The following EPB41L5 variants were observed in gnomAD, a reference collection of about 807,000 sequenced individuals.
EPB41L5 encodes band 4.1-like protein 5.
A neutral mutation model predicts 106.6 loss-of-function variants in EPB41L5; 55 were observed. The observed-to-expected ratio is 0.52, with a 90% CI of 0.42 to 0.65. The LOEUF is 0.65. Among genes scored for constraint, EPB41L5 ranks in the 30% least tolerant of loss-of-function variants. The probability of loss-of-function intolerance (pLI) is 0.00; values close to 1 mark genes in which losing one functional copy is unlikely to be tolerated. For synonymous variants in EPB41L5, 297 were observed against 306.7 expected, an observed-to-expected ratio of 0.97 and a Z score of 0.33; for missense variants, 871 against 882.1, an observed-to-expected ratio of 0.99 and a Z score of 0.16.
At chr2:120,047,234 C>G (rs2105229962) in intron 3 of EPB41L5, among the ~76,000 whole-genome samples, 1 of 152,322 alleles carries the variant, frequency 6.6e-6, no homozygotes, top group African/African-American at 2.4e-5. Flanking sequence ...GGCATTGAAT[C>G]TATAAATTGC....
At chr2:120,065,691 A>T (rs1017503773) in intron 3 of EPB41L5, among the ~76,000 whole-genome samples, 1 of 151,522 alleles carries the variant, frequency 6.6e-6, no homozygotes, top group Non-Finnish European at 1.5e-5. Flanking sequence ...TAATTTTTGT[A>T]TTTTTAGTAG....
chr2:120,095,130 G>A (rs1574653999), intron 14 of EPB41L5, among the ~76,000 whole-genome samples: 1 of 152,128 alleles, frequency 6.6e-6, no homozygotes, highest in South Asian at 2.1e-4. Context: ...GTGGAGTATT[G>A]TAGTCTACAA....
intron 20 of EPB41L5, among the ~76,000 whole-genome samples, chr2:120,147,982 A>G (rs913042836): frequency 1.3e-5 from 2 of 152,046 alleles, no homozygotes; most frequent in East Asian, 1.9e-4. Flanking sequence ...TCCCCATGCT[A>G]TACAACACTG....
chr2:120,136,716 A>G (rs1685937666), intron 18 of EPB41L5, among the ~76,000 whole-genome samples: 1 of 152,088 alleles, frequency 6.6e-6, no homozygotes, highest in Admixed American at 6.5e-5. Flanking sequence ...TAAATAATAT[A>G]TGCACCTAAA....
intron 2 of EPB41L5, among the ~76,000 whole-genome samples, chr2:120,032,564 C>T (rs1394222171): frequency 1.3e-5 from 2 of 152,176 alleles, no homozygotes; most frequent in African/African-American, 4.8e-5. Flanking sequence ...AGGCAGATCA[C>T]AGTCCATTGG....
intron 3 of EPB41L5, among the ~76,000 whole-genome samples, chr2:120,066,410 T>G (rs1311900383): frequency 6.6e-6 from 1 of 152,244 alleles, no homozygotes; most frequent in Admixed American, 6.5e-5. Flanking sequence ...AACCTGCCTT[T>G]TAAAATTTAA....
intron 3 of EPB41L5, among the ~76,000 whole-genome samples, chr2:120,050,132 A>G (rs1317109415): frequency 6.6e-6 from 1 of 152,072 alleles, no homozygotes; most frequent in Non-Finnish European, 1.5e-5. Context: ...GAATCTGACA[A>G]TTATATGTCT....
chr2:120,096,278 A>T (rs1683747843), intron 14 of EPB41L5, among the ~76,000 whole-genome samples: 1 of 152,106 alleles, frequency 6.6e-6, no homozygotes, highest in Non-Finnish European at 1.5e-5. Context: ...ATTGACTATA[A>T]TAGCACTCCG....
intron 16 of EPB41L5, among the ~76,000 whole-genome samples, chr2:120,120,104 C>T (rs1685142491): frequency 1.3e-5 from 2 of 152,004 alleles, no homozygotes; most frequent in South Asian, 2.1e-4. Flanking sequence ...AAAAGAAAAA[C>T]TTCAATTGTC....
At chr2:120,164,005 T>G (rs1687275162) in intron 21 of EPB41L5, among the ~76,000 whole-genome samples, 1 of 140,068 alleles carries the variant, frequency 7.1e-6, no homozygotes, top group Non-Finnish European at 1.6e-5. Flanking sequence ...TTTTTTGAGA[T>G]GGAGTCTTGC....
At chr2:120,026,514 G>A (rs992787931) in intron 2 of EPB41L5, among the ~76,000 whole-genome samples, 16 of 152,078 alleles carry the variant, frequency 1.1e-4, no homozygotes, top group African/African-American at 2.7e-4. Flanking sequence ...GATTACAGGC[G>A]CCTGCCACAC....
chr2:120,090,757 A>G (rs1371807623), intron 12 of EPB41L5, among the ~76,000 whole-genome samples: 1 of 152,192 alleles, frequency 6.6e-6, no homozygotes, highest in Admixed American at 6.6e-5. Context: ...TGTTTACTTT[A>G]TATATTAACC....
chr2:120,141,637 G>A (rs761368877), intron 18 of EPB41L5, among the ~76,000 whole-genome samples: 1 of 152,108 alleles, frequency 6.6e-6, no homozygotes, highest in Admixed American at 6.6e-5. Flanking sequence ...CTCTAAAAAT[G>A]ATATAGAAAA....
intron 17 of EPB41L5, among the ~76,000 whole-genome samples, chr2:120,130,424 T>C (rs961442283): frequency 2.0e-5 from 3 of 152,236 alleles, no homozygotes; most frequent in African/African-American, 7.2e-5. Context: ...CTGATTCACA[T>C]AGGTAAATAG....
chr2:120,018,895 C>G (rs1475130216), intron 1 of EPB41L5, among the ~76,000 whole-genome samples, 182 bp from the exon 2 acceptor site: 1 of 152,150 alleles, frequency 6.6e-6, no homozygotes, highest in East Asian at 1.9e-4. Flanking sequence ...GTCCTTCTGC[C>G]TAGGCCTCCC....
At chr2:120,057,775 T>C (rs554686086) in intron 3 of EPB41L5, among the ~76,000 whole-genome samples, 1 of 151,910 alleles carries the variant, frequency 6.6e-6, no homozygotes, top group Admixed American at 6.6e-5. Context: ...AAATAGTACA[T>C]GTAGCAAAGC....
At chr2:120,082,811 A>T (rs562776267) in intron 10 of EPB41L5, among the ~76,000 whole-genome samples, 1 of 152,148 alleles carries the variant, frequency 6.6e-6, no homozygotes, top group Non-Finnish European at 1.5e-5. Context: ...CAGGGATTCA[A>T]CTGCTTCCTG....
chr2:120,088,893 A>G (rs556509097), intron 11 of EPB41L5, among the ~76,000 whole-genome samples: 31 of 152,260 alleles, frequency 2.0e-4, no homozygotes, highest in Non-Finnish European at 3.1e-4. Context: ...TGCCTACTCA[A>G]ATCTTTTGCT....
At chr2:120,056,839 T>A (rs887959749) in intron 3 of EPB41L5, among the ~76,000 whole-genome samples, 6 of 152,132 alleles carry the variant, frequency 3.9e-5, no homozygotes, top group Non-Finnish European at 8.8e-5. Context: ...GGCTTTTGTT[T>A]GTGAGAAGTT....
Sources: allele counts gnomAD v4.1 joint callset (sites outside exome capture counted in the v4.1 genomes callset), GRCh38; gene constraint gnomAD v4.1.1; transcripts MANE v1.5; gene names NCBI Gene and HGNC (gene_info 2026-07-23, HGNC 2026-07-21).